Variants in DHRS1 observed in about 807,000 individuals in gnomAD.
DHRS1 encodes dehydrogenase/reductase SDR family member 1.
Under a neutral mutation model 35.2 loss-of-function variants are expected in DHRS1, and 34 were observed. The observed-to-expected ratio is 0.97, with a 90% CI of 0.74 to 1.29. The LOEUF (loss-of-function observed/expected upper bound fraction) is 1.29, where lower values mean the gene tolerates loss of function less well. Ranked by LOEUF, DHRS1 falls within the 50% of genes most tolerant of loss-of-function variation. The probability of loss-of-function intolerance (pLI) is 0.00; values close to 1 mark genes in which losing one functional copy is unlikely to be tolerated. For synonymous variants in DHRS1, 133 were observed against 160.0 expected, an observed-to-expected ratio of 0.83 and a Z score of 1.27; for missense variants, 354 against 403.6, an observed-to-expected ratio of 0.88 and a Z score of 1.05.
Position 24,297,137 on chromosome 14 carries a change from C to A in DHRS1, c.151-256G>T, listed in dbSNP as rs574062045. ...TCTACAAACATTTACTGAGGCCCAC[C>A]ATGTGCACAGCATTGTACTTTGCAA... is the stretch of plus-strand genomic sequence containing the variant. On this transcript the variant is annotated intron_variant, in intron 2 of 8. Coordinates refer to ENST00000288111, the MANE Select transcript of DHRS1 (RefSeq NM_001136050.3). Among the ~76,000 whole-genome samples the A allele has an allele frequency of 1.2e-4, 18 of 152,338 alleles. No individual in the cohort carries two copies. The East Asian group carries it at 2.7e-3, about 23-fold the overall frequency.
chr14:24,295,883 C>G (rs2041240550), intron 4 of DHRS1, among the ~76,000 whole-genome samples: 1 of 152,208 alleles, frequency 6.6e-6, no homozygotes, highest in African/African-American at 2.4e-5. Context: ...CCACAGGTGA[C>G]TGATCACATC....
chr14:24,296,465 C>T, intron 4 of DHRS1, 44 bp downstream of exon 4: 2 of 1,602,224 alleles, frequency 1.2e-6, no homozygotes, highest in Non-Finnish European at 1.7e-6. Flanking sequence ...GTCGAGTTGG[C>T]TAAGTGAGTG....
At chr14:24,292,451 C>CA (rs2041176994) in intron 5 of DHRS1, 121 bp from the exon 6 acceptor site, 1 of 1,490,876 alleles carries the variant, frequency 6.7e-7, no homozygotes, top group Admixed American at 1.9e-5. Flanking sequence ...CCCAAGGTCT[C>CA]AGCTGCCCAC....
At chr14:24,296,486 G>A in intron 4 of DHRS1, 23 bp downstream of exon 4, 1 of 1,613,258 alleles carries the variant, frequency 6.2e-7, no homozygotes, top group Non-Finnish European at 8.5e-7. Context: ...AGGGAACATG[G>A]GTCCTGGCAG....
At chr14:24,297,300 C>A (rs1173908158) in intron 2 of DHRS1, among the ~76,000 whole-genome samples, 2 of 152,112 alleles carry the variant, frequency 1.3e-5, no homozygotes, top group African/African-American at 4.8e-5. Flanking sequence ...TCTACTCAGT[C>A]CCAGTTGTCT....
At chr14:24,296,651 T>C in intron 3 of DHRS1, 63 bp from the exon 4 acceptor site, 2 of 1,612,252 alleles carry the variant, frequency 1.2e-6, no homozygotes, top group South Asian at 2.2e-5. Flanking sequence ...GGCTGGGTAA[T>C]GGAAGGGACA....
At position 24,295,569 on chromosome 14, in the gene DHRS1, G is replaced by A. The variant is rs564531196; in HGVS notation, c.374+940C>T. Among the ~76,000 whole-genome samples the A allele has an allele frequency of 7.9e-5, 12 of 152,298 alleles. No individual in the cohort carries two copies. The East Asian group carries it at 1.9e-3, about 24-fold the overall frequency. On this transcript the variant is annotated intron_variant, in intron 4 of 8. Transcript: ENST00000288111. ...TCAGGGCCCAAGGTCGAGGGTCTGG[G>A]CCTCTGCCTTGAATCTCTGCTTCAG...
At chr14:24,294,270 A>C (rs1594606425) in intron 4 of DHRS1, 1 of 152,126 alleles carries the variant, frequency 6.6e-6, no homozygotes, top group East Asian at 1.9e-4. Context: ...ATACAAAGAT[A>C]CATGTATATT....
chr14:24,292,818 C>CAA, intron 4 of DHRS1, 34 bp from the exon 5 acceptor site: 1 of 1,593,462 alleles, frequency 6.3e-7, no homozygotes, highest in Non-Finnish European at 8.5e-7. Flanking sequence ...AGGAATGAAC[C>CAA]GTGTTAGTGC....
chr14:24,296,062 C>T (rs994300120), intron 4 of DHRS1, among the ~76,000 whole-genome samples: 5 of 152,206 alleles, frequency 3.3e-5, no homozygotes, highest in African/African-American at 7.2e-5. Context: ...AACTCTGACC[C>T]GGCAGTGCCC....
At chr14:24,295,167 A>G (rs186672401) in intron 4 of DHRS1, among the ~76,000 whole-genome samples, 160 of 152,360 alleles carry the variant, frequency 1.1e-3, no homozygotes, top group African/African-American at 3.8e-3. Flanking sequence ...TAGAATACGT[A>G]CAAGTATTAA....
intron 4 of DHRS1, chr14:24,294,542 T>G (rs1209666910): frequency 6.6e-6 from 1 of 151,932 alleles, no homozygotes; most frequent in Non-Finnish European, 1.5e-5. Context: ...TGAGCTGAGA[T>G]TGCACACTGC....
intron 4 of DHRS1, among the ~76,000 whole-genome samples, chr14:24,296,088 G>T (rs955806887): frequency 6.6e-6 from 1 of 152,196 alleles, no homozygotes; most frequent in Non-Finnish European, 1.5e-5. Flanking sequence ...TGTGGGTGTG[G>T]AGTGAGGATG....
intron 2 of DHRS1, among the ~76,000 whole-genome samples, chr14:24,297,828 A>G (rs1279180446): frequency 6.6e-6 from 1 of 151,992 alleles, no homozygotes; most frequent in Non-Finnish European, 1.5e-5. Flanking sequence ...TCCTTTACCT[A>G]ATTCTTACCT....
intron 4 of DHRS1, 118 bp from the exon 5 acceptor site, chr14:24,292,902 G>T: frequency 7.3e-7 from 1 of 1,362,792 alleles, no homozygotes; most frequent in South Asian, 1.6e-5. Flanking sequence ...AGGCTACACA[G>T]GGTGGGTTAG....
At chr14:24,296,412 GGC>G in intron 4 of DHRS1, 95 bp downstream of exon 4, 2 of 1,173,194 alleles carry the variant, frequency 1.7e-6, no homozygotes, top group Non-Finnish European at 2.5e-6. Context: ...AGATGGGGGA[GGC>G]CGGAGGGAAA....
At chr14:24,293,134 A>C in intron 4 of DHRS1, 1 of 212,920 alleles carries the variant, frequency 4.7e-6, no homozygotes, top group East Asian at 1.3e-4. Context: ...TACAGACAAA[A>C]TCTTTCAAAG....
chr14:24,291,694 C>G, intron 6 of DHRS1, 69 bp from the exon 7 acceptor site: 1 of 1,488,624 alleles, frequency 6.7e-7, no homozygotes, highest in South Asian at 1.1e-5. Flanking sequence ...CTCCCCATTT[C>G]AACTTCTGTT....
At chr14:24,293,967 C>A (rs926976465) in intron 4 of DHRS1, 2 of 152,164 alleles carry the variant, frequency 1.3e-5, no homozygotes, top group Non-Finnish European at 2.9e-5. Context: ...CAATGTATTA[C>A]GAAAGGAACC....
Sources: allele counts gnomAD v4.1 joint callset (sites outside exome capture counted in the v4.1 genomes callset), GRCh38; gene constraint gnomAD v4.1.1; transcripts MANE v1.5; gene names NCBI Gene and HGNC (gene_info 2026-07-23, HGNC 2026-07-21).